HNRNPC: variants seen among roughly 807,000 people sequenced by gnomAD.
HNRNPC encodes the protein heterogeneous nuclear ribonucleoproteins C1/C2.
HNRNPC carries 3 observed loss-of-function variants against 33.2 expected under a neutral mutation model. The ratio of observed to expected loss-of-function variants is 0.09; its 90% confidence interval spans 0.04 to 0.23. The LOEUF is 0.23. Among genes scored for constraint, HNRNPC ranks in the 10% least tolerant of loss-of-function variants. HNRNPC has a pLI of 1.00. For synonymous variants in HNRNPC, 121 were observed against 126.7 expected (o/e 0.96, Z 0.30); for missense variants, 143 against 366.7 (o/e 0.39, Z 4.98).
intron 2 of HNRNPC, among the ~76,000 whole-genome samples, chr14:21,237,842 G>A (rs1894886731): frequency 6.6e-6 from 1 of 151,914 alleles, no homozygotes; most frequent in South Asian, 2.1e-4. Context: ...AGCAATCTTG[G>A]CTCACTGCAA....
rs751786293 is a variant in HNRNPC at position 21,226,898 on chromosome 14, G to GAAAA, written c.365+3420_365+3421insTTTT. 9.9e-3 allele frequency among the ~76,000 whole-genome samples: 777 copies of GAAAA among 78,796 alleles called. 20 individuals are homozygous for GAAAA. Among genetic ancestry groups the GAAAA allele is most frequent in the African/African-American group, 0.044 (730 of 16,430 alleles). The allele number at this position is 78,796 out of a possible 152,430, so 51.7% of individuals were successfully genotyped here. A position where few individuals can be genotyped will look rare whatever the true frequency, so the allele number is the denominator to read the frequency against. ...CATCTCAAAAAAAAAAAAAAAAAGG[G>GAAAA]GGGGGGGGGACAGTGATTTTTACTC... On this transcript the variant is annotated intron_variant, in intron 5 of 8. Coordinates refer to ENST00000553300, the MANE Select transcript of HNRNPC (RefSeq NM_004500.4).
intron 2 of HNRNPC, chr14:21,234,788 T>C (rs1432409333): frequency 6.9e-6 from 1 of 144,104 alleles, no homozygotes; most frequent in African/African-American, 2.4e-5. Flanking sequence ...ATAATTTTCT[T>C]CAAAAGGCAA....
At chr14:21,268,721 C>T (rs1188088107) in intron 1 of HNRNPC, 1 of 152,146 alleles carries the variant, frequency 6.6e-6, no homozygotes, top group Non-Finnish European at 1.5e-5. Flanking sequence ...CACAATATTT[C>T]CTTTTACAAA....
chr14:21,227,849 A>C (rs1893653337), intron 5 of HNRNPC, among the ~76,000 whole-genome samples: 1 of 152,240 alleles, frequency 6.6e-6, no homozygotes, highest in Non-Finnish European at 1.5e-5. Context: ...CTAAGAGTCC[A>C]TGACATCCCT....
chr14:21,251,097 TGA>T (rs1896604825), intron 2 of HNRNPC, among the ~76,000 whole-genome samples: 1 of 151,434 alleles, frequency 6.6e-6, no homozygotes, highest in Non-Finnish European at 1.5e-5. Context: ...CCATCTCTAC[TGA>T]AAACACAAAA....
intron 2 of HNRNPC, among the ~76,000 whole-genome samples, chr14:21,256,827 A>G (rs770822422): frequency 2.6e-5 from 4 of 151,930 alleles, no homozygotes; most frequent in East Asian, 3.9e-4. Flanking sequence ...TAATTTTTGT[A>G]TATTTTTGAA....
At chr14:21,249,768 G>A (rs561203796) in intron 2 of HNRNPC, among the ~76,000 whole-genome samples, 1 of 152,136 alleles carries the variant, frequency 6.6e-6, no homozygotes, top group South Asian at 2.1e-4. Context: ...TGTTTCGGGG[G>A]TGTTACGACA....
intron 1 of HNRNPC, among the ~76,000 whole-genome samples, chr14:21,266,246 G>A (rs1878959954): frequency 1.3e-5 from 2 of 152,094 alleles, no homozygotes; most frequent in African/African-American, 4.8e-5. Context: ...GGGACTACAG[G>A]CGAGCGCCAG....
At chr14:21,229,102 A>AAAAT (rs1240137907) in intron 5 of HNRNPC, among the ~76,000 whole-genome samples, 3 of 151,282 alleles carry the variant, frequency 2.0e-5, no homozygotes, top group African/African-American at 7.3e-5. Flanking sequence ...AAAAAAAAAA[A>AAAAT]AAATCAGGCC....
chr14:21,231,320 A>C (rs1894087716), intron 3 of HNRNPC: 1 of 597,436 alleles, frequency 1.7e-6, no homozygotes, highest in Non-Finnish European at 3.1e-6. Context: ...CGAAGTTTAG[A>C]AAATCACACA....
At chr14:21,226,109 T>C (rs182948949) in intron 5 of HNRNPC, among the ~76,000 whole-genome samples, 97 of 151,890 alleles carry the variant, frequency 6.4e-4, no homozygotes, top group Non-Finnish European at 1.0e-3. Flanking sequence ...TGAAGTCAGG[T>C]GAGGAGTTTG....
At chr14:21,223,448 T>C (rs1461849049) in intron 5 of HNRNPC, among the ~76,000 whole-genome samples, 1 of 152,016 alleles carries the variant, frequency 6.6e-6, no homozygotes, top group Non-Finnish European at 1.5e-5. Context: ...GAAATAAATA[T>C]TTAGCAAAAT....
intron 2 of HNRNPC, among the ~76,000 whole-genome samples, chr14:21,240,405 A>G (rs1895207544): frequency 1.3e-5 from 2 of 152,230 alleles, no homozygotes; most frequent in Admixed American, 1.3e-4. Flanking sequence ...TTTTGAAAAT[A>G]TATTTATAAA....
At position 21,213,036 on chromosome 14, in the gene HNRNPC, T is replaced by G; in HGVS notation, c.447A>C (p.Ser149=). The part of the protein sequence containing the change: ...AVVPSKRQRV[S]GNTSRRGKSG... Reference sequence around the variant, plus strand: ...TTTTGCCCCTTCGTGAAGTGTTTCCTGATACACGCTGACGTTTCGAGGGCA... The same window carrying G: ...TTTTGCCCCTTCGTGAAGTGTTTCCGGATACACGCTGACGTTTCGAGGGCA... The change falls in exon 6 of 9, where the codon TCA becomes TCC. Residue 149 remains serine, a synonymous_variant. Transcript: ENST00000553300. 6.2e-7 allele frequency: 1 copy of G among 1,613,990 alleles called. No homozygotes were observed. Among genetic ancestry groups the G allele is most frequent in the Non-Finnish European group, 8.5e-7 (1 of 1,179,862 alleles).
At chr14:21,231,236 C>T (rs1259628620) in intron 3 of HNRNPC, 164 bp from the exon 4 acceptor site, 16 of 703,508 alleles carry the variant, frequency 2.3e-5, no homozygotes, top group Middle Eastern at 2.4e-4. Context: ...CCGGTTCAAG[C>T]GATTCTCCTG....
At chr14:21,260,311 A>G (rs1390322542) in intron 2 of HNRNPC, among the ~76,000 whole-genome samples, 2 of 148,540 alleles carry the variant, frequency 1.3e-5, no homozygotes, top group Non-Finnish European at 3.0e-5. Flanking sequence ...GGTTGTGGTG[A>G]GCCAAGATCA....
At position 21,211,317 on chromosome 14, in the gene HNRNPC, C is replaced by A. The variant is rs1210544270; in HGVS notation, c.799-11G>T. 5 of 1,613,714 alleles carry A rather than the reference C, an allele frequency of 3.1e-6. No homozygotes were observed. Among genetic ancestry groups the A allele is most frequent in the South Asian group, 1.1e-5 (1 of 91,076 alleles). ...CTTGATCAACTCCAGCTGTGAGAAACAGACACAAACAGGATGGAGTTAGAG... is the reference window on the plus strand; with the variant it reads ...CTTGATCAACTCCAGCTGTGAGAAAAAGACACAAACAGGATGGAGTTAGAG... On this transcript the variant is annotated splice_polypyrimidine_tract_variant and intron_variant, in intron 8 of 8. Transcript: ENST00000553300.
At chr14:21,217,711 A>G (rs1469088982) in intron 5 of HNRNPC, among the ~76,000 whole-genome samples, 5 of 152,236 alleles carry the variant, frequency 3.3e-5, no homozygotes, top group Non-Finnish European at 2.9e-5. Context: ...ATTAGTATTT[A>G]GGGATATTTT....
intron 2 of HNRNPC, among the ~76,000 whole-genome samples, chr14:21,243,363 T>C (rs1443815894): frequency 1.3e-5 from 2 of 152,136 alleles, no homozygotes; most frequent in African/African-American, 2.4e-5. Context: ...GAGAAAAGTG[T>C]AGAGGACAAA....
Sources: gnomAD v4.1 joint callset for allele counts (sites outside exome capture counted in the v4.1 genomes callset) on GRCh38, gnomAD v4.1.1 for gene constraint, MANE v1.5 for transcripts, NCBI Gene and HGNC (gene_info 2026-07-23, HGNC 2026-07-21) for gene names.